Variants in KALRN observed in about 807,000 individuals in gnomAD.
KALRN encodes the protein kalirin.
A neutral mutation model predicts 353.7 loss-of-function variants in KALRN; 70 were observed. The observed-to-expected ratio is 0.20, with a 90% CI of 0.16 to 0.24. The LOEUF (loss-of-function observed/expected upper bound fraction) is 0.24. KALRN is among the 10% of genes least tolerant of loss of function. The probability of loss-of-function intolerance (pLI) is 1.00; values close to 1 mark genes in which losing one functional copy is unlikely to be tolerated. For synonymous variants in KALRN, 1,391 were observed against 1,434.8 expected, an observed-to-expected ratio of 0.97 and a Z score of 0.69; for missense variants, 2,791 against 3,756.7, an observed-to-expected ratio of 0.74 and a Z score of 6.72.
chr3:124,537,425 G>A (rs188686072), intron 33 of KALRN, among the ~76,000 whole-genome samples: 4 of 152,320 alleles, frequency 2.6e-5, no homozygotes, highest in Non-Finnish European at 2.9e-5. Context: ...GGCAAAAAAT[G>A]TGCTGGAATA....
intron 1 of KALRN, among the ~76,000 whole-genome samples, chr3:124,134,135 A>C (rs1430655449): frequency 6.6e-6 from 1 of 152,230 alleles, no homozygotes; most frequent in Non-Finnish European, 1.5e-5. Context: ...AAACTATACT[A>C]TAAGGCTATA....
chr3:124,606,694 A>G (rs2077382847), intron 34 of KALRN, among the ~76,000 whole-genome samples: 1 of 152,230 alleles, frequency 6.6e-6, no homozygotes, highest in Admixed American at 6.5e-5. Context: ...GTTAAAACAA[A>G]TGATGGACTA....
chr3:124,396,307 C>T (rs1174583062), intron 12 of KALRN, among the ~76,000 whole-genome samples: 2 of 152,106 alleles, frequency 1.3e-5, no homozygotes, highest in Non-Finnish European at 2.9e-5. Flanking sequence ...TGAGAAATTA[C>T]CTTTAGAAGG....
chr3:124,451,505 T>C (rs2058777987), intron 21 of KALRN, among the ~76,000 whole-genome samples: 2 of 152,154 alleles, frequency 1.3e-5, no homozygotes, highest in African/African-American at 2.4e-5. Context: ...TGTCCATACT[T>C]CTGAACTTTT....
intron 34 of KALRN, among the ~76,000 whole-genome samples, chr3:124,609,662 T>A (rs1010474289): frequency 4.6e-5 from 7 of 152,176 alleles, no homozygotes; most frequent in Non-Finnish European, 1.0e-4. Context: ...GGCATTGCAG[T>A]CTGAGGATGA....
At chr3:124,079,184 G>A (rs2060411167) in intron 1 of KALRN, among the ~76,000 whole-genome samples, 1 of 152,194 alleles carries the variant, frequency 6.6e-6, no homozygotes, top group Non-Finnish European at 1.5e-5. Context: ...AGCTGCAGAG[G>A]AAGCAGAGGG....
At chr3:124,394,913 G>A (rs59063689) in intron 11 of KALRN, among the ~76,000 whole-genome samples, 1,885 of 152,258 alleles carry the variant, frequency 0.012, 33 homozygotes, top group African/African-American at 0.042. Context: ...AGCCAGGGGT[G>A]ATTCCTGTCT....
At chr3:124,551,571 G>A (rs779250196) in intron 33 of KALRN, among the ~76,000 whole-genome samples, 3 of 152,184 alleles carry the variant, frequency 2.0e-5, no homozygotes, top group Non-Finnish European at 4.4e-5. Context: ...GCGTGAAGAT[G>A]TTATTGACTG....
intron 15 of KALRN, among the ~76,000 whole-genome samples, chr3:124,428,300 G>A (rs1229382648): frequency 6.6e-6 from 1 of 152,192 alleles, no homozygotes. Context: ...TTCTCATTAA[G>A]AGAGGTATAA....
intron 28 of KALRN, among the ~76,000 whole-genome samples, chr3:124,485,409 G>T (rs1447279142): frequency 2.0e-4 from 30 of 152,208 alleles, no homozygotes; most frequent in Admixed American, 2.0e-3. Context: ...ACAAGGGAGA[G>T]AAGTTGAGGA....
At chr3:124,367,379 A>C (rs1180623507) in intron 10 of KALRN, among the ~76,000 whole-genome samples, 1 of 21,474 alleles carries the variant, frequency 4.7e-5, no homozygotes, top group Non-Finnish European at 8.3e-5. Flanking sequence ...GGCGCCCCTC[A>C]CCTCCCGGAC....
intron 3 of KALRN, among the ~76,000 whole-genome samples, chr3:124,239,544 A>T (rs920844363): frequency 1.3e-5 from 2 of 152,220 alleles, no homozygotes; most frequent in African/African-American, 4.8e-5. Flanking sequence ...AGAAATTAGG[A>T]TGAGTTATTC....
At chr3:124,338,101 G>T (rs573774229) in intron 9 of KALRN, among the ~76,000 whole-genome samples, 2 of 152,138 alleles carry the variant, frequency 1.3e-5, no homozygotes, top group East Asian at 3.9e-4. Flanking sequence ...TGGATTCACT[G>T]ATTTTTTGAA....
chr3:124,625,496 G>A (rs2079841798), intron 34 of KALRN, among the ~76,000 whole-genome samples: 2 of 151,920 alleles, frequency 1.3e-5, no homozygotes, highest in African/African-American at 2.4e-5. Flanking sequence ...TGAGGCAGGA[G>A]GATCCCTTGA....
intron 34 of KALRN, among the ~76,000 whole-genome samples, chr3:124,624,995 A>G (rs2079771836): frequency 6.6e-6 from 1 of 152,232 alleles, no homozygotes; most frequent in Admixed American, 6.5e-5. Flanking sequence ...GTAGAAGAAC[A>G]CACAGATAGA....
chr3:124,082,003 G>A (rs953267803), intron 1 of KALRN, among the ~76,000 whole-genome samples: 4 of 152,174 alleles, frequency 2.6e-5, no homozygotes, highest in African/African-American at 7.2e-5. Context: ...CTTTTATCTA[G>A]CTTAGAAATT....
intron 36 of KALRN, chr3:124,636,955 C>A: frequency 2.2e-6 from 1 of 449,220 alleles, no homozygotes; most frequent in Non-Finnish European, 4.1e-6. Context: ...TTTCTCCTCT[C>A]CCCTCCTTCA....
chr3:124,036,278 C>T (rs2039411441), intron 1 of KALRN, among the ~76,000 whole-genome samples: 1 of 152,066 alleles, frequency 6.6e-6, no homozygotes, highest in South Asian at 2.1e-4. Context: ...CATGTGTTTT[C>T]ATTGTTTAAC....
At chr3:124,101,840 A>G (rs1209355423) in intron 1 of KALRN, among the ~76,000 whole-genome samples, 1 of 152,034 alleles carries the variant, frequency 6.6e-6, no homozygotes, top group Admixed American at 6.6e-5. Context: ...ATCTGCTTGT[A>G]ACTGGTCCCT....
Sources: allele counts gnomAD v4.1 joint callset (sites outside exome capture counted in the v4.1 genomes callset), GRCh38; gene constraint gnomAD v4.1.1; transcripts MANE v1.5; gene names NCBI Gene and HGNC (gene_info 2026-07-23, HGNC 2026-07-21).